ENOX1: variants seen among roughly 807,000 people sequenced by gnomAD.
The protein encoded by ENOX1 is ecto-NOX disulfide-thiol exchanger 1.
In ENOX1, 42 loss-of-function variants were observed where a neutral mutation model predicts 82.5. The ratio of observed to expected loss-of-function variants is 0.51; its 90% CI spans 0.40 to 0.66. ENOX1 has a LOEUF of 0.66. Ranked by LOEUF, ENOX1 falls within the 30% of genes least tolerant of loss-of-function variation. The pLI, the probability that ENOX1 is intolerant of heterozygous loss-of-function variation, is 0.00. For synonymous variants in ENOX1, 271 were observed against 282.2 expected, an observed-to-expected ratio of 0.96 and a Z score of 0.40; for missense variants, 608 against 811.6, an observed-to-expected ratio of 0.75 and a Z score of 3.05.
intron 2 of ENOX1, among the ~76,000 whole-genome samples, chr13:43,658,785 C>T (rs1485178004): frequency 6.6e-6 from 1 of 152,170 alleles, no homozygotes; most frequent in Non-Finnish European, 1.5e-5. Flanking sequence ...CTTTTCGCCT[C>T]GCTCTTGTGT....
intron 1 of ENOX1, among the ~76,000 whole-genome samples, chr13:43,670,851 A>AAAC (rs59254437): frequency 0.36 from 54,641 of 150,196 alleles, 10,345 homozygotes; most frequent in East Asian, 0.72. Flanking sequence ...TCAAACAACA[A>AAAC]AACAACAACA....
chr13:43,496,495 G>T (rs1056081586), intron 2 of ENOX1, among the ~76,000 whole-genome samples: 1 of 151,616 alleles, frequency 6.6e-6, no homozygotes, highest in Non-Finnish European at 1.5e-5. Flanking sequence ...AAGCAATCCT[G>T]CCTCAGCTTC....
intron 3 of ENOX1, among the ~76,000 whole-genome samples, chr13:43,437,391 C>T (rs1391836210): frequency 6.6e-6 from 1 of 152,196 alleles, no homozygotes; most frequent in Non-Finnish European, 1.5e-5. Context: ...TAATATGACA[C>T]TAGGTTAAAT....
intron 5 of ENOX1, among the ~76,000 whole-genome samples, chr13:43,389,984 A>T (rs1193161031): frequency 6.6e-6 from 1 of 152,238 alleles, no homozygotes; most frequent in Non-Finnish European, 1.5e-5. Flanking sequence ...GTATGAAAGA[A>T]CAAATAACTT....
chr13:43,680,308 A>G (rs762775956), intron 1 of ENOX1, among the ~76,000 whole-genome samples: 8 of 152,322 alleles, frequency 5.3e-5, no homozygotes, highest in Non-Finnish European at 8.8e-5. Flanking sequence ...ATATTTTTCA[A>G]CAAGTACCTT....
intron 3 of ENOX1, among the ~76,000 whole-genome samples, chr13:43,435,694 A>G (rs945810122): frequency 5.3e-5 from 8 of 152,204 alleles, no homozygotes; most frequent in Admixed American, 3.9e-4. Flanking sequence ...GCTTTTTTAA[A>G]TATAATGGTT....
chr13:43,274,679 A>G (rs2044896961), intron 12 of ENOX1, among the ~76,000 whole-genome samples: 1 of 152,228 alleles, frequency 6.6e-6, no homozygotes, highest in African/African-American at 2.4e-5. Flanking sequence ...AAACAGATGC[A>G]CTATTACATT....
At chr13:43,435,480 A>C (rs764397500) in intron 3 of ENOX1, among the ~76,000 whole-genome samples, 35 of 152,188 alleles carry the variant, frequency 2.3e-4, no homozygotes, top group Non-Finnish European at 4.9e-4. Flanking sequence ...CCAGTTACTG[A>C]CCACGGCACC....
chr13:43,729,091 A>G (rs1034810764), intron 1 of ENOX1, among the ~76,000 whole-genome samples: 2 of 152,164 alleles, frequency 1.3e-5, no homozygotes, highest in Non-Finnish European at 2.9e-5. Context: ...AGGCCCAAAA[A>G]AGTTATCTGC....
rs918310310 is a variant in ENOX1, at chr13:43,356,023, C to T, written c.719G>A (p.Arg240Gln). Residue 240 changes from arginine (R) to glutamine (Q), a missense_variant, in exon 8 of 17, where the codon CGG (arginine) becomes CAG (glutamine). Coordinates refer to ENST00000690772, the MANE Select transcript of ENOX1 (RefSeq NM_001347969.2). The part of the protein sequence containing the change: ...CKQRMRAREE[R>Q]HRRKLEEDRL... ...GTCCTCCTCCAGCTTGCGCCGGTGCCGCTCCTCCCGGGCACGCATCCTCTG... is the reference window on the plus strand; with the variant it reads ...GTCCTCCTCCAGCTTGCGCCGGTGCTGCTCCTCCCGGGCACGCATCCTCTG... The T allele has an allele frequency of 8.1e-6, 13 of 1,613,958 alleles. No homozygotes were observed. Among genetic ancestry groups the T allele is most frequent in the East Asian group, 2.2e-5 (1 of 44,874 alleles).
intron 2 of ENOX1, among the ~76,000 whole-genome samples, chr13:43,587,892 T>C (rs148171299): frequency 3.0e-4 from 46 of 152,156 alleles, no homozygotes; most frequent in African/African-American, 1.0e-3. Flanking sequence ...ATAAACCATG[T>C]GGAAATAGTT....
At chr13:43,620,058 C>T (rs1378743113) in intron 2 of ENOX1, among the ~76,000 whole-genome samples, 1 of 152,020 alleles carries the variant, frequency 6.6e-6, no homozygotes, top group Admixed American at 6.6e-5. Context: ...TCACAGTAGC[C>T]TTGAATGATC....
intron 8 of ENOX1, among the ~76,000 whole-genome samples, chr13:43,351,696 G>T (rs969264101): frequency 1.0e-4 from 15 of 149,290 alleles, no homozygotes; most frequent in Non-Finnish European, 2.1e-4. Flanking sequence ...TTGTTCTTGC[G>T]ATAGTTTACT....
chr13:43,344,565 T>C lies in ENOX1; in HGVS notation c.1009A>G (p.Asn337Asp). 6.2e-7 allele frequency: 1 copy of C among 1,614,210 alleles called. No homozygotes were observed. The highest frequency in any genetic ancestry group is 8.5e-7 in the Non-Finnish European group (1 of 1,180,038). ...TGAGTGAGAATCCCAGTTAAGGCAT[T>C]TTTAAAATTCTCCTTGGCTTCCTCC... ...EMEEAKENFK[N>D]ALTGILTQFE... is the part of the protein sequence containing the mutation. Residue 337 changes from asparagine (N) to aspartate (D), a missense_variant, in exon 9 of 17, where the codon AAT becomes GAT. Asn to Asp is a conservative substitution (Grantham distance 23). Coordinates refer to ENST00000690772, the MANE Select transcript of ENOX1 (RefSeq NM_001347969.2).
intron 1 of ENOX1, among the ~76,000 whole-genome samples, chr13:43,750,293 T>C (rs1446130778): frequency 6.6e-6 from 1 of 152,182 alleles, no homozygotes; most frequent in African/African-American, 2.4e-5. Context: ...TCAGTGCAGA[T>C]GTGATCATTA....
chr13:43,692,128 A>C (rs974237730), intron 1 of ENOX1, among the ~76,000 whole-genome samples: 11 of 152,180 alleles, frequency 7.2e-5, no homozygotes, highest in Middle Eastern at 3.2e-3. Flanking sequence ...TATGGAACAG[A>C]ATGGAGGAAA....
chr13:43,355,737 C>T (rs1411124992), intron 8 of ENOX1, among the ~76,000 whole-genome samples, 182 bp downstream of exon 8: 2 of 152,174 alleles, frequency 1.3e-5, no homozygotes, highest in African/African-American at 2.4e-5. Flanking sequence ...TTCCAGGAGA[C>T]CCCCCAGCTA....
At chr13:43,488,705 C>T (rs1420133821) in intron 2 of ENOX1, among the ~76,000 whole-genome samples, 1 of 152,158 alleles carries the variant, frequency 6.6e-6, no homozygotes, top group Non-Finnish European at 1.5e-5. Context: ...CTAGAGAAAG[C>T]CTGACTTCCT....
intron 2 of ENOX1, among the ~76,000 whole-genome samples, chr13:43,627,998 G>C (rs1228763793): frequency 6.6e-6 from 1 of 151,884 alleles, no homozygotes; most frequent in African/African-American, 2.4e-5. Context: ...GATTTTTCCT[G>C]TGTCATTTTT....
Sources: gnomAD v4.1 joint callset for allele counts (sites outside exome capture counted in the v4.1 genomes callset) on GRCh38, gnomAD v4.1.1 for gene constraint, MANE v1.5 for transcripts, NCBI Gene and HGNC (gene_info 2026-07-23, HGNC 2026-07-21) for gene names.